The following CNTNAP2 variants were observed in gnomAD, a reference collection of about 807,000 sequenced individuals.
CNTNAP2 encodes the protein contactin associated protein 2.
Under a neutral mutation model 155.2 loss-of-function variants are expected in CNTNAP2, and 98 were observed. The ratio of observed to expected loss-of-function variants is 0.63; its 90% confidence interval spans 0.54 to 0.75. The LOEUF (loss-of-function observed/expected upper bound fraction) is 0.75, where lower values mean the gene tolerates loss of function less well. CNTNAP2 is among the 30% of genes least tolerant of loss of function. The pLI is 0.00. For synonymous variants in CNTNAP2, 651 were observed against 631.2 expected (o/e 1.03, Z -0.47); for missense variants, 1,727 against 1,688.1 (o/e 1.02, Z -0.40).
intron 12 of CNTNAP2, among the ~76,000 whole-genome samples, chr7:147,594,354 T>C (rs1800790268): frequency 6.6e-6 from 1 of 152,086 alleles, no homozygotes; most frequent in Admixed American, 6.6e-5. Flanking sequence ...TGGCAGTGGC[T>C]TGCGTGGTGG....
chr7:148,107,576 C>T (rs974794885), intron 15 of CNTNAP2, among the ~76,000 whole-genome samples: 4 of 152,160 alleles, frequency 2.6e-5, no homozygotes, highest in Non-Finnish European at 4.4e-5. Context: ...CTGAACAAAG[C>T]TCCTCTTACC....
chr7:148,058,996 C>A (rs929112061), intron 15 of CNTNAP2, among the ~76,000 whole-genome samples: 1 of 151,862 alleles, frequency 6.6e-6, no homozygotes, highest in East Asian at 1.9e-4. Flanking sequence ...TCATCAAGGG[C>A]CATCAAGGGC....
intron 4 of CNTNAP2, among the ~76,000 whole-genome samples, chr7:147,061,941 A>C (rs922308074): frequency 6.6e-6 from 1 of 151,930 alleles, no homozygotes; most frequent in African/African-American, 2.4e-5. Flanking sequence ...ATCCTGGCTC[A>C]CACGGTGAAA....
chr7:146,930,394 A>AT (rs1484814899), intron 3 of CNTNAP2, among the ~76,000 whole-genome samples: 15 of 152,080 alleles, frequency 9.9e-5, no homozygotes, highest in Admixed American at 2.0e-4. Flanking sequence ...ATGCTGAGAG[A>AT]TTTTGTCACC....
At chr7:146,129,735 T>C (rs766944798) in intron 1 of CNTNAP2, among the ~76,000 whole-genome samples, 9 of 152,230 alleles carry the variant, frequency 5.9e-5, no homozygotes, top group Admixed American at 2.0e-4. Flanking sequence ...ATCCTACTTA[T>C]GCTTTCTTAA....
intron 1 of CNTNAP2, among the ~76,000 whole-genome samples, chr7:146,152,661 AATAAG>A (rs1026085698): frequency 2.0e-5 from 3 of 152,110 alleles, no homozygotes; most frequent in African/African-American, 7.2e-5. Flanking sequence ...GTCAGTTTAA[AATAAG>A]ATAAAATAAA....
rs183577189 is a variant in CNTNAP2 at position 146,842,755 on chromosome 7, G to A, written c.402+2851G>A. On this transcript the variant is annotated intron_variant, in intron 3 of 23. Coordinates refer to ENST00000361727, the MANE Select transcript of CNTNAP2 (RefSeq NM_014141.6). ...GGCTGGAGTGCAGTGACGCGATCTC[G>A]GCTCACTGCAAGCTCCGCCTCCCGG... Among the ~76,000 whole-genome samples the A allele has an allele frequency of 2.0e-3, 309 of 151,866 alleles. 2 individuals are homozygous for A. Among genetic ancestry groups the A allele is most frequent in the Admixed American group, 5.6e-3 (86 of 15,270 alleles).
At chr7:147,810,378 C>A (rs1798160835) in intron 13 of CNTNAP2, among the ~76,000 whole-genome samples, 6 of 151,602 alleles carry the variant, frequency 4.0e-5, no homozygotes, top group Admixed American at 3.9e-4. Context: ...CTTATTTTCA[C>A]TTTTCTGTAC....
intron 4 of CNTNAP2, chr7:147,081,032 A>G (rs1800114630): frequency 6.6e-6 from 1 of 152,296 alleles, no homozygotes; most frequent in African/African-American, 2.4e-5. Flanking sequence ...TCAACAAAAT[A>G]TAACTCCTGA....
chr7:146,629,093 C>T (rs1799467598), intron 1 of CNTNAP2, among the ~76,000 whole-genome samples: 1 of 152,118 alleles, frequency 6.6e-6, no homozygotes, highest in African/African-American at 2.4e-5. Context: ...ATGTTATCTG[C>T]TTCCATACTC....
At chr7:147,828,682 A>C (rs1798499537) in intron 13 of CNTNAP2, among the ~76,000 whole-genome samples, 1 of 152,210 alleles carries the variant, frequency 6.6e-6, no homozygotes, top group Non-Finnish European at 1.5e-5. Flanking sequence ...TCAGGGAAGC[A>C]TCTCTTTCTT....
At chr7:148,231,922 G>A (rs143045687) in intron 20 of CNTNAP2, among the ~76,000 whole-genome samples, 7 of 152,298 alleles carry the variant, frequency 4.6e-5, no homozygotes, top group South Asian at 2.1e-4. Flanking sequence ...TTGGATGCAC[G>A]ATTCTGAGGT....
intron 3 of CNTNAP2, among the ~76,000 whole-genome samples, chr7:146,923,652 G>T (rs1294644420): frequency 6.6e-6 from 1 of 152,032 alleles, no homozygotes; most frequent in East Asian, 1.9e-4. Context: ...TTATTGTTTG[G>T]CTGCTTTTAT....
chr7:147,889,910 T>C (rs6958734), intron 13 of CNTNAP2, among the ~76,000 whole-genome samples: 2,686 of 152,264 alleles, frequency 0.018, 73 homozygotes, highest in African/African-American at 0.062. Context: ...ACATGTAAAA[T>C]GTTTTTGAAT....
intron 15 of CNTNAP2, among the ~76,000 whole-genome samples, chr7:148,005,500 T>A (rs59857291): frequency 0.065 from 9,918 of 151,952 alleles, 729 homozygotes; most frequent in African/African-American, 0.18. Context: ...ATCGCCACTG[T>A]TATCTCTTCC....
chr7:146,681,271 G>A (rs1257815056), intron 1 of CNTNAP2, among the ~76,000 whole-genome samples: 1 of 150,610 alleles, frequency 6.6e-6, no homozygotes, highest in African/African-American at 2.4e-5. Context: ...CTTGCCTTTT[G>A]GGAGACAGGA....
chr7:146,694,891 G>A (rs1800756327), intron 1 of CNTNAP2, among the ~76,000 whole-genome samples: 1 of 152,068 alleles, frequency 6.6e-6, no homozygotes, highest in Admixed American at 6.5e-5. Flanking sequence ...TAAATTCTGA[G>A]TGTTCATTGC....
intron 1 of CNTNAP2, among the ~76,000 whole-genome samples, chr7:146,185,999 A>C (rs761445536): frequency 3.6e-4 from 55 of 152,078 alleles, no homozygotes; most frequent in Non-Finnish European, 1.9e-4. Context: ...GAGAGGTGTT[A>C]AAATTGTTTC....
At chr7:147,449,191 A>T (rs1797790918) in intron 10 of CNTNAP2, among the ~76,000 whole-genome samples, 1 of 152,198 alleles carries the variant, frequency 6.6e-6, no homozygotes, top group Admixed American at 6.5e-5. Flanking sequence ...TACCTACAAA[A>T]AGAAATCTTA....
Sources: allele counts gnomAD v4.1 joint callset (sites outside exome capture counted in the v4.1 genomes callset), GRCh38; gene constraint gnomAD v4.1.1; transcripts MANE v1.5; gene names NCBI Gene and HGNC (gene_info 2026-07-23, HGNC 2026-07-21).